The following ABCC4 variants were observed in gnomAD, a reference collection of about 807,000 sequenced individuals.
ABCC4 encodes ATP binding cassette subfamily C member 4 (PEL blood group).
Under a neutral mutation model 168.5 loss-of-function variants are expected in ABCC4, and 102 were observed. The ratio of observed to expected loss-of-function variants is 0.61; its 90% CI spans 0.52 to 0.71. The LOEUF is 0.71. ABCC4 is among the 30% of genes least tolerant of loss of function. The pLI is 0.00. For synonymous variants in ABCC4, 617 were observed against 590.7 expected (o/e 1.04, Z -0.65); for missense variants, 1,402 against 1,605.8 (o/e 0.87, Z 2.17).
intron 18 of ABCC4, among the ~76,000 whole-genome samples, chr13:95,162,319 G>A (rs959979352): frequency 6.6e-6 from 1 of 152,142 alleles, no homozygotes; most frequent in East Asian, 1.9e-4. Context: ...CACTGAGTAG[G>A]TTCTTACAAA....
chr13:95,155,311 C>A (rs2036819805), intron 19 of ABCC4, among the ~76,000 whole-genome samples: 1 of 152,002 alleles, frequency 6.6e-6, no homozygotes, highest in Non-Finnish European at 1.5e-5. Flanking sequence ...GACTCAGCCT[C>A]CCGAGCTGCT....
intron 22 of ABCC4, chr13:95,075,129 T>C (rs537728502): frequency 7.0e-4 from 239 of 343,130 alleles, no homozygotes; most frequent in Non-Finnish European, 1.2e-3. Context: ...ACACAATGCC[T>C]AAAACACTTA....
chr13:95,195,979 G>A (rs1419815893), intron 8 of ABCC4, among the ~76,000 whole-genome samples: 1 of 152,054 alleles, frequency 6.6e-6, no homozygotes, highest in Non-Finnish European at 1.5e-5. Context: ...CTAGACAGCA[G>A]AACGGACCAA....
intron 19 of ABCC4, among the ~76,000 whole-genome samples, chr13:95,124,280 G>A (rs774076636): frequency 2.0e-5 from 3 of 152,182 alleles, no homozygotes; most frequent in Non-Finnish European, 4.4e-5. Flanking sequence ...TTCTGCCTGT[G>A]TGTGCACAGA....
intron 23 of ABCC4, among the ~76,000 whole-genome samples, chr13:95,073,883 T>G (rs543200902): frequency 6.6e-6 from 1 of 152,276 alleles, no homozygotes; most frequent in African/African-American, 2.4e-5. Flanking sequence ...ATTCAAGTAG[T>G]TGGAAGGCTA....
At chr13:95,111,439 A>G (rs1014868774) in intron 20 of ABCC4, among the ~76,000 whole-genome samples, 4 of 152,230 alleles carry the variant, frequency 2.6e-5, no homozygotes, top group Non-Finnish European at 5.9e-5. Context: ...ATATATTTAT[A>G]TCTTATGATA....
At chr13:95,222,975 G>A (rs542347663) in intron 4 of ABCC4, among the ~76,000 whole-genome samples, 3 of 152,246 alleles carry the variant, frequency 2.0e-5, no homozygotes, top group South Asian at 2.1e-4. Context: ...AATGTCAAGT[G>A]CTACCCAGGT....
chr13:95,136,899 A>G (rs1413948235), intron 19 of ABCC4, among the ~76,000 whole-genome samples: 1 of 152,206 alleles, frequency 6.6e-6, no homozygotes, highest in Non-Finnish European at 1.5e-5. Flanking sequence ...AGGTTCCCAC[A>G]TTCATCACAT....
intron 13 of ABCC4, among the ~76,000 whole-genome samples, chr13:95,175,968 TC>T (rs989156197): frequency 1.8e-4 from 27 of 152,028 alleles, no homozygotes; most frequent in African/African-American, 6.5e-4. Flanking sequence ...CTGCCTGCTG[TC>T]CTTCCCACAG....
intron 1 of ABCC4, chr13:95,269,436 T>C (rs1970476): frequency 2.0e-5 from 2 of 102,374 alleles, no homozygotes; most frequent in African/African-American, 1.4e-4. Flanking sequence ...AAAAAAAAAA[T>C]ATATATATAT....
intron 13 of ABCC4, among the ~76,000 whole-genome samples, chr13:95,172,993 C>T (rs1332940778): frequency 6.6e-6 from 1 of 152,166 alleles, no homozygotes; most frequent in African/African-American, 2.4e-5. Flanking sequence ...AGTTAAGATA[C>T]ATTTGCTGAG....
intron 4 of ABCC4, among the ~76,000 whole-genome samples, chr13:95,230,085 C>G (rs563667804): frequency 6.6e-6 from 1 of 152,206 alleles, no homozygotes; most frequent in Admixed American, 6.5e-5. Context: ...CTAACATGAG[C>G]AAGTACAATG....
At chr13:95,127,692 C>T (rs193015524) in intron 19 of ABCC4, among the ~76,000 whole-genome samples, 2 of 152,282 alleles carry the variant, frequency 1.3e-5, no homozygotes, top group African/African-American at 2.4e-5. Flanking sequence ...ACTCTATCCC[C>T]TCAGTGGTGA....
chr13:95,177,876 A>G, intron 12 of ABCC4, 83 bp from the exon 13 acceptor site: 1 of 1,504,786 alleles, frequency 6.6e-7, no homozygotes, highest in Non-Finnish European at 9.2e-7. Flanking sequence ...AAATGCCAAC[A>G]GAATAACCCA....
At chr13:95,040,607 T>C (rs184057848) in intron 29 of ABCC4, among the ~76,000 whole-genome samples, 1 of 152,338 alleles carries the variant, frequency 6.6e-6, no homozygotes, top group African/African-American at 2.4e-5. Flanking sequence ...TCTCAGCATA[T>C]TTTTCAAGAA....
intron 9 of ABCC4, among the ~76,000 whole-genome samples, chr13:95,189,544 G>A (rs2038190424): frequency 6.6e-6 from 1 of 152,114 alleles, no homozygotes; most frequent in African/African-American, 2.4e-5. Context: ...TACATGGCAT[G>A]CCCAGTCCTT....
At chr13:95,188,785 T>C (rs1208184520) in intron 9 of ABCC4, among the ~76,000 whole-genome samples, 2 of 152,206 alleles carry the variant, frequency 1.3e-5, no homozygotes, top group Admixed American at 1.3e-4. Flanking sequence ...CAGATTTTCA[T>C]GTGAACACAG....
At chr13:95,034,932 T>A (rs2032055354) in intron 29 of ABCC4, among the ~76,000 whole-genome samples, 193 bp from the exon 30 acceptor site, 1 of 152,198 alleles carries the variant, frequency 6.6e-6, no homozygotes, top group African/African-American at 2.4e-5. Context: ...TTTATTACTA[T>A]AATGTTATAG....
chr13:95,030,716 C>A (rs2031842969), intron 30 of ABCC4, among the ~76,000 whole-genome samples: 1 of 152,124 alleles, frequency 6.6e-6, no homozygotes, highest in Non-Finnish European at 1.5e-5. Context: ...CAGAAGAAAG[C>A]AGCTCTGCTG....
Sources: allele counts gnomAD v4.1 joint callset (sites outside exome capture counted in the v4.1 genomes callset), GRCh38; gene constraint gnomAD v4.1.1; transcripts MANE v1.5; gene names NCBI Gene and HGNC (gene_info 2026-07-23, HGNC 2026-07-21).